DCLK2: variants seen among roughly 807,000 people sequenced by gnomAD.
DCLK2 encodes the protein serine/threonine-protein kinase DCLK2.
A neutral mutation model predicts 78.4 loss-of-function variants in DCLK2; 31 were observed. The ratio of observed to expected loss-of-function variants is 0.40; its 90% CI spans 0.30 to 0.53. DCLK2 has a LOEUF of 0.53. Ranked by LOEUF, DCLK2 falls within the 20% of genes least tolerant of loss-of-function variation. DCLK2 has a pLI of 0.61. For synonymous variants in DCLK2, 407 were observed against 374.9 expected (o/e 1.09, Z -0.99); for missense variants, 872 against 973.7 (o/e 0.90, Z 1.39).
At chr4:150,092,758 T>C (rs897504628) in intron 1 of DCLK2, among the ~76,000 whole-genome samples, 7 of 152,176 alleles carry the variant, frequency 4.6e-5, no homozygotes, top group Non-Finnish European at 1.0e-4. Context: ...GTTTTCATGA[T>C]GAAAACACTC....
chr4:150,216,712 C>T (rs1466608173), intron 5 of DCLK2, among the ~76,000 whole-genome samples: 1 of 152,106 alleles, frequency 6.6e-6, no homozygotes, highest in Non-Finnish European at 1.5e-5. Context: ...AATGGAGCCA[C>T]TGCTGCCAGA....
At chr4:150,161,792 T>G (rs1424210954) in intron 2 of DCLK2, among the ~76,000 whole-genome samples, 2 of 152,250 alleles carry the variant, frequency 1.3e-5, no homozygotes, top group South Asian at 2.1e-4. Flanking sequence ...ATTTTAGGGC[T>G]GAATTGTCCA....
At chr4:150,151,130 C>G (rs1734866978) in intron 2 of DCLK2, among the ~76,000 whole-genome samples, 1 of 152,198 alleles carries the variant, frequency 6.6e-6, no homozygotes, top group Non-Finnish European at 1.5e-5. Flanking sequence ...CTAACTATAT[C>G]ATGAAGAAAT....
chr4:150,256,088 G>A lies in DCLK2; in HGVS notation c.2142G>A (p.Gly714=). 6.2e-7 allele frequency: 1 copy of A among 1,613,136 alleles called. No individual in the cohort carries two copies. The highest frequency in any genetic ancestry group is 1.1e-5 in the South Asian group (1 of 91,018). ...ACTGTCAAGACAGCGGCAGGCCTGGGATGGAGCCCATCTCTCCAGTTCCTC... is the reference window on the plus strand; with the variant it reads ...ACTGTCAAGACAGCGGCAGGCCTGGAATGGAGCCCATCTCTCCAGTTCCTC... ...SKHCQDSGRP[G]MEPISPVPPS... Residue 714 remains glycine, a synonymous_variant, in exon 16 of 16, where the codon GGG becomes GGA. Transcript: ENST00000296550.
At chr4:150,214,033 C>A (rs1024997171) in intron 5 of DCLK2, among the ~76,000 whole-genome samples, 1 of 152,148 alleles carries the variant, frequency 6.6e-6, no homozygotes, top group African/African-American at 2.4e-5. Flanking sequence ...TCATTCAATG[C>A]AAAATACTCA....
Position 150,239,883 on chromosome 4 carries a change from T to TA in DCLK2, c.1700+8_1700+9insA. Reference sequence around the variant, plus strand: ...AATCATTGCTGAAACTGGGTAAGACTTCTGGTGGCCCTGGTTAGTACTTTA... The same window carrying TA: ...AATCATTGCTGAAACTGGGTAAGACTATCTGGTGGCCCTGGTTAGTACTTTA... On this transcript the variant is annotated intron_variant, in intron 11 of 15. Transcript: ENST00000296550. 2 of 1,613,728 alleles carry TA rather than the reference T, an allele frequency of 1.2e-6. No homozygotes were observed. The highest frequency in any genetic ancestry group is 1.7e-6 in the Non-Finnish European group (2 of 1,179,896).
intron 14 of DCLK2, among the ~76,000 whole-genome samples, chr4:150,249,191 C>A (rs1177890579): frequency 6.6e-6 from 1 of 152,110 alleles, no homozygotes; most frequent in East Asian, 1.9e-4. Flanking sequence ...TAAATGAATT[C>A]TTGATTAAAG....
chr4:150,172,760 TGGGGGGGG>T (rs34505816), intron 2 of DCLK2, among the ~76,000 whole-genome samples: 1 of 125,006 alleles, frequency 8.0e-6, no homozygotes, highest in Non-Finnish European at 1.7e-5. Flanking sequence ...TTTTTTTTTT[TGGGGGGGG>T]GGGGGATACC....
chr4:150,082,700 T>C (rs953108839), intron 1 of DCLK2, among the ~76,000 whole-genome samples: 8 of 152,214 alleles, frequency 5.3e-5, no homozygotes, highest in Admixed American at 4.6e-4. Context: ...TTAGTTGAGC[T>C]GTCTTAAGCT....
intron 2 of DCLK2, among the ~76,000 whole-genome samples, chr4:150,160,042 TCTTA>T (rs1260297236): frequency 6.6e-6 from 1 of 151,324 alleles, no homozygotes; most frequent in Non-Finnish European, 1.5e-5. Flanking sequence ...TGAGACGGGG[TCTTA>T]GTCTGTCGTC....
intron 8 of DCLK2, among the ~76,000 whole-genome samples, chr4:150,228,780 A>G (rs1741806106): frequency 6.6e-6 from 1 of 152,154 alleles, no homozygotes; most frequent in Non-Finnish European, 1.5e-5. Context: ...TAATCCCAGC[A>G]CTTTGGGAGG....
intron 2 of DCLK2, among the ~76,000 whole-genome samples, chr4:150,167,288 C>CA (rs1736165744): frequency 6.6e-6 from 1 of 152,198 alleles, no homozygotes; most frequent in African/African-American, 2.4e-5. Flanking sequence ...TTATGAAGGA[C>CA]AGACTGTTTG....
rs533781704 is a variant in DCLK2 at position 150,209,935 on chromosome 4, C to T, written c.1056+6046C>T. On this transcript the variant is annotated intron_variant, in intron 5 of 15. Coordinates refer to ENST00000296550, the MANE Select transcript of DCLK2 (RefSeq NM_001040260.4). ...ACTAAAAATACAAAAATTAGCCAGG[C>T]GTGGTGGCAGGTGCCTGTAATCCCA... Among the ~76,000 whole-genome samples, 22 of 152,176 alleles carry T rather than the reference C, an allele frequency of 1.4e-4. No individual in the cohort carries two copies. The East Asian group carries it at 3.5e-3, about 24-fold the overall frequency.
At chr4:150,194,037 AC>A (rs1738676035) in intron 3 of DCLK2, among the ~76,000 whole-genome samples, 1 of 94,446 alleles carries the variant, frequency 1.1e-5, no homozygotes, top group Non-Finnish European at 2.5e-5. Flanking sequence ...ACACACACAC[AC>A]ACACACACAC....
intron 1 of DCLK2, 89 bp from the exon 2 acceptor site, chr4:150,102,389 A>C: frequency 2.3e-6 from 3 of 1,297,218 alleles, no homozygotes; most frequent in Non-Finnish European, 3.2e-6. Flanking sequence ...TTAAGGGTTC[A>C]CTTAATGGGT....
intron 2 of DCLK2, among the ~76,000 whole-genome samples, chr4:150,176,155 C>G (rs1184764730): frequency 6.6e-6 from 1 of 152,194 alleles, no homozygotes; most frequent in African/African-American, 2.4e-5. Context: ...GCCTAAGCCC[C>G]ATGGTTTTCC....
chr4:150,121,262 G>C (rs112733629), intron 2 of DCLK2, among the ~76,000 whole-genome samples: 2 of 81,054 alleles, frequency 2.5e-5, no homozygotes, highest in African/African-American at 1.2e-4. Flanking sequence ...AGCCACAGTA[G>C]AACTTCTTTC....
At chr4:150,132,796 T>G (rs1158794777) in intron 2 of DCLK2, among the ~76,000 whole-genome samples, 1 of 152,174 alleles carries the variant, frequency 6.6e-6, no homozygotes, top group Non-Finnish European at 1.5e-5. Context: ...CCTGGCTAGT[T>G]ATTTTACTTT....
In DCLK2 at chr4:150,249,657, C is replaced by T. The variant is rs747857254; in HGVS notation, c.2046C>T (p.Ser682=). The change falls in exon 15 of 16, where the codon AGC becomes AGT. Residue 682 remains serine, a synonymous_variant. Transcript: ENST00000296550. The part of the protein sequence containing the change: ...HFNNALPKQN[S]TTTGVSVIMN... ...ATAATGCGCTCCCCAAACAGAACAG[C>T]ACTACCACCGGGGTCTCCGTCATCA... 3.7e-6 allele frequency: 6 copies of T among 1,613,628 alleles called. No homozygotes were observed. In the East Asian group the frequency reaches 1.3e-4, roughly 36 times the overall value.
Sources: gnomAD v4.1 joint callset for allele counts (sites outside exome capture counted in the v4.1 genomes callset) on GRCh38, gnomAD v4.1.1 for gene constraint, MANE v1.5 for transcripts, NCBI Gene and HGNC (gene_info 2026-07-23, HGNC 2026-07-21) for gene names.